Variants in SUGCT observed in about 807,000 individuals in gnomAD.
SUGCT encodes succinyl-CoA:glutarate CoA-transferase.
Under a neutral mutation model 55.0 loss-of-function variants are expected in SUGCT, and 41 were observed. The ratio of observed to expected loss-of-function variants is 0.74; its 90% CI spans 0.58 to 0.97. The LOEUF (loss-of-function observed/expected upper bound fraction) is 0.97, where lower values mean the gene tolerates loss of function less well. Ranked by LOEUF, SUGCT falls within the 50% of genes least tolerant of loss-of-function variation. The pLI, the probability that SUGCT is intolerant of heterozygous loss-of-function variation, is 0.00. For missense variants in SUGCT, 568 were observed against 547.8 expected (o/e 1.04, Z -0.37); for synonymous variants, 187 against 200.4 (o/e 0.93, Z 0.56).
chr7:40,961,087 A>G, the SUGCT span, among the ~76,000 whole-genome samples: 1 of 152,242 alleles, frequency 6.6e-6, no homozygotes, highest in African/African-American at 2.4e-5. Flanking sequence ...ATCACGGTTT[A>G]CTGTAACTCA....
chr7:40,543,319 T>C (rs984128768), intron 12 of SUGCT, among the ~76,000 whole-genome samples: 9 of 152,232 alleles, frequency 5.9e-5, no homozygotes, highest in African/African-American at 2.2e-4. Flanking sequence ...TAAAATCTAG[T>C]TCTCTAAAAT....
chr7:40,598,084 A>G (rs535192597), intron 12 of SUGCT, among the ~76,000 whole-genome samples: 2 of 152,264 alleles, frequency 1.3e-5, no homozygotes, highest in South Asian at 4.1e-4. Context: ...AGACAAGTGG[A>G]TTCTCATCTG....
At chr7:40,139,317 C>A (rs1787866130) in intron 1 of SUGCT, among the ~76,000 whole-genome samples, 1 of 152,134 alleles carries the variant, frequency 6.6e-6, no homozygotes, top group African/African-American at 2.4e-5. Context: ...CTGCATCAGC[C>A]TCCACAGTAG....
At chr7:40,173,075 C>A (rs1157651543) in intron 1 of SUGCT, among the ~76,000 whole-genome samples, 1 of 152,166 alleles carries the variant, frequency 6.6e-6, no homozygotes, top group African/African-American at 2.4e-5. Context: ...GGCGGCAAGT[C>A]TTTTATTCTT....
chr7:40,873,456 C>T, the SUGCT span, among the ~76,000 whole-genome samples: 9 of 152,164 alleles, frequency 5.9e-5, no homozygotes, highest in Admixed American at 5.9e-4. Context: ...ATTGCATTAT[C>T]AGAATGTGGC....
intron 8 of SUGCT, among the ~76,000 whole-genome samples, chr7:40,292,804 C>T (rs976124924): frequency 6.6e-6 from 1 of 152,128 alleles, no homozygotes; most frequent in Non-Finnish European, 1.5e-5. Context: ...TCAGGTGCAT[C>T]CATCTTTCAG....
At chr7:40,594,328 A>G (rs1398171859) in intron 12 of SUGCT, among the ~76,000 whole-genome samples, 1 of 151,632 alleles carries the variant, frequency 6.6e-6, no homozygotes, top group Admixed American at 6.6e-5. Context: ...AGTATAAAAA[A>G]AAAAAAAGTA....
intron 13 of SUGCT, among the ~76,000 whole-genome samples, chr7:40,821,882 G>C (rs1463599319): frequency 6.6e-6 from 1 of 152,032 alleles, no homozygotes; most frequent in Non-Finnish European, 1.5e-5. Flanking sequence ...GATCTTTCCT[G>C]CTTTGTCTTG....
intron 8 of SUGCT, among the ~76,000 whole-genome samples, chr7:40,309,809 A>G (rs1455254907): frequency 2.6e-5 from 4 of 152,142 alleles, no homozygotes; most frequent in Non-Finnish European, 2.9e-5. Context: ...ACAGGTACCA[A>G]TGGAGAGAGG....
chr7:40,610,777 T>A (rs1018106508), intron 12 of SUGCT, among the ~76,000 whole-genome samples: 9 of 152,180 alleles, frequency 5.9e-5, no homozygotes, highest in Non-Finnish European at 8.8e-5. Flanking sequence ...TAATCCTGAT[T>A]TTTAACAGCT....
At chr7:40,382,543 T>C (rs11771463) in intron 9 of SUGCT, among the ~76,000 whole-genome samples, 144,137 of 152,202 alleles carry the variant, frequency 0.95, 68,730 homozygotes, top group East Asian at 1. Context: ...TGAAGTATTT[T>C]GCTTTGTGGT....
the SUGCT span, among the ~76,000 whole-genome samples, chr7:40,939,234 C>T: frequency 6.6e-6 from 1 of 152,120 alleles, no homozygotes; most frequent in Admixed American, 6.6e-5. Context: ...GGAAACCCCT[C>T]ATAAAACCAT....
At chr7:40,149,844 G>A (rs1201696230) in intron 1 of SUGCT, among the ~76,000 whole-genome samples, 1 of 152,174 alleles carries the variant, frequency 6.6e-6, no homozygotes, top group African/African-American at 2.4e-5. Context: ...GCTTGAACTT[G>A]GGAGTCGGAG....
chr7:40,889,957 C>G, the SUGCT span, among the ~76,000 whole-genome samples: 1 of 151,972 alleles, frequency 6.6e-6, no homozygotes, highest in South Asian at 2.1e-4. Flanking sequence ...GTGTTTATTT[C>G]TGCCTTTGTC....
At chr7:40,590,724 G>T (rs562162722) in intron 12 of SUGCT, among the ~76,000 whole-genome samples, 1 of 152,244 alleles carries the variant, frequency 6.6e-6, no homozygotes, top group African/African-American at 2.4e-5. Flanking sequence ...TAATGTAGCT[G>T]GTTACTTTAA....
At chr7:40,594,088 C>T (rs1247458665) in intron 12 of SUGCT, among the ~76,000 whole-genome samples, 1 of 151,940 alleles carries the variant, frequency 6.6e-6, no homozygotes, top group Non-Finnish European at 1.5e-5. Context: ...AAAAACCAAA[C>T]ACCGCATATT....
chr7:40,818,906 C>G (rs1425358323), intron 13 of SUGCT, among the ~76,000 whole-genome samples: 2 of 100,998 alleles, frequency 2.0e-5, no homozygotes, highest in Non-Finnish European at 3.7e-5. Context: ...TATCCCTCCC[C>G]CCTCCCCCCA....
rs34968969 is a variant in SUGCT, at chr7:40,241,919, C to CAAA, written c.576+4207_576+4209dup. 5.8e-3 allele frequency among the ~76,000 whole-genome samples: 754 copies of CAAA among 130,814 alleles called. 13 individuals carry two copies. The highest frequency in any genetic ancestry group is 0.02 in the African/African-American group (701 of 35,214). 85.8% of individuals were successfully genotyped at this position (130,814 alleles called of 152,430 possible). On this transcript the variant is annotated intron_variant, in intron 7 of 13. Coordinates refer to ENST00000335693, the MANE Select transcript of SUGCT (RefSeq NM_001193313.2). ...TGGCGACAGACCAAGACTCTGTCTC[C>CAAA]AAAAAAAAAAAAAAAACCGTCTTTA...
intron 9 of SUGCT, among the ~76,000 whole-genome samples, chr7:40,410,029 G>A (rs1261729683): frequency 6.6e-6 from 1 of 152,072 alleles, no homozygotes; most frequent in Non-Finnish European, 1.5e-5. Context: ...GGGTGCTGTA[G>A]TGGGTAGAAT....
Sources: allele counts gnomAD v4.1 joint callset (sites outside exome capture counted in the v4.1 genomes callset), GRCh38; gene constraint gnomAD v4.1.1; transcripts MANE v1.5; gene names NCBI Gene and HGNC (gene_info 2026-07-23, HGNC 2026-07-21).